Variants in ATXN1 observed in about 807,000 individuals in gnomAD.
The protein encoded by ATXN1 is ataxin 1.
ATXN1 carries 8 observed loss-of-function variants against 56.4 expected under a neutral mutation model. That is an observed-to-expected ratio of 0.14 (90% CI 0.08 to 0.26). The LOEUF is 0.26. Ranked by LOEUF, ATXN1 falls within the 10% of genes least tolerant of loss-of-function variation. The probability of loss-of-function intolerance (pLI) is 1.00; values close to 1 mark genes in which losing one functional copy is unlikely to be tolerated. For synonymous variants in ATXN1, 514 were observed against 494.6 expected (o/e 1.04, Z -0.52); for missense variants, 987 against 1,106.5 (o/e 0.89, Z 1.53).
chr6:16,311,400 G>A (rs755899495), intron 7 of ATXN1, among the ~76,000 whole-genome samples: 12 of 152,138 alleles, frequency 7.9e-5, no homozygotes, highest in Middle Eastern at 3.2e-3. Context: ...CAAAAGAGAT[G>A]AACTAAGCAT....
intron 4 of ATXN1, among the ~76,000 whole-genome samples, chr6:16,558,584 T>A (rs1762058957): frequency 6.6e-6 from 1 of 152,088 alleles, no homozygotes; most frequent in Non-Finnish European, 1.5e-5. Flanking sequence ...TTGTCCAGAC[T>A]GGTCTCTAAC....
intron 4 of ATXN1, among the ~76,000 whole-genome samples, chr6:16,547,304 T>C (rs1304260204): frequency 6.6e-6 from 1 of 152,172 alleles, no homozygotes; most frequent in Non-Finnish European, 1.5e-5. Context: ...AGAAATCCCA[T>C]TCTAAACCAA....
At chr6:16,420,255 T>C (rs891544060) in intron 6 of ATXN1, among the ~76,000 whole-genome samples, 2 of 152,188 alleles carry the variant, frequency 1.3e-5, no homozygotes, top group Non-Finnish European at 2.9e-5. Context: ...GCTAGAGAGA[T>C]GGTGGGATGA....
At chr6:16,759,883 G>T (rs1253800726) in intron 1 of ATXN1, among the ~76,000 whole-genome samples, 1 of 152,138 alleles carries the variant, frequency 6.6e-6, no homozygotes, top group African/African-American at 2.4e-5. Flanking sequence ...CAGCCTGAAG[G>T]CGGGGGGCTG....
intron 6 of ATXN1, among the ~76,000 whole-genome samples, chr6:16,423,898 C>T (rs17592806): frequency 0.19 from 29,597 of 152,212 alleles, 3,118 homozygotes; most frequent in Non-Finnish European, 0.23. Flanking sequence ...TCTATCTGAG[C>T]TGCTTGAAGC....
chr6:16,686,679 G>A (rs960916953), intron 2 of ATXN1, among the ~76,000 whole-genome samples: 2 of 152,092 alleles, frequency 1.3e-5, no homozygotes, highest in Non-Finnish European at 2.9e-5. Context: ...TGAAAAGCAA[G>A]AAACCGTAAG....
intron 3 of ATXN1, among the ~76,000 whole-genome samples, chr6:16,629,917 C>CA (rs56412324): frequency 0.41 from 59,413 of 145,540 alleles, 12,080 homozygotes; most frequent in East Asian, 0.48. Flanking sequence ...AACTCCATCT[C>CA]AAAAAAAAAA....
chr6:16,750,433 A>C (rs1171934603), intron 2 of ATXN1, among the ~76,000 whole-genome samples: 1 of 152,252 alleles, frequency 6.6e-6, no homozygotes, highest in Non-Finnish European at 1.5e-5. Context: ...GGTTTAAGAA[A>C]AAAACTGAAT....
chr6:16,403,894 G>T (rs1393881551), intron 6 of ATXN1, among the ~76,000 whole-genome samples: 2 of 150,164 alleles, frequency 1.3e-5, no homozygotes, highest in African/African-American at 2.5e-5. Context: ...ATGGTTAAAA[G>T]AATTCTTAGG....
chr6:16,630,959 T>G (rs1347372923), intron 3 of ATXN1, among the ~76,000 whole-genome samples: 1 of 152,186 alleles, frequency 6.6e-6, no homozygotes, highest in Non-Finnish European at 1.5e-5. Flanking sequence ...CAGGGATGTC[T>G]CTTTGTTGGC....
At chr6:16,526,676 GA>G (rs1480491875) in intron 4 of ATXN1, among the ~76,000 whole-genome samples, 1 of 150,442 alleles carries the variant, frequency 6.6e-6, no homozygotes, top group Non-Finnish European at 1.5e-5. Flanking sequence ...GAGGCAGGAG[GA>G]TCACTTGAAC....
intron 4 of ATXN1, among the ~76,000 whole-genome samples, chr6:16,580,902 G>C (rs1400160872): frequency 1.3e-5 from 2 of 152,154 alleles, no homozygotes; most frequent in Admixed American, 6.5e-5. Context: ...GGAAGGGTGG[G>C]AGAAAAGGGA....
At chr6:16,647,134 AGC>A (rs1332269616) in intron 3 of ATXN1, among the ~76,000 whole-genome samples, 1 of 152,090 alleles carries the variant, frequency 6.6e-6, no homozygotes, top group Non-Finnish European at 1.5e-5. Context: ...ACGCCCAAGT[AGC>A]TGGGACTACA....
chr6:16,756,279 A>T (rs1286865970), intron 1 of ATXN1, among the ~76,000 whole-genome samples: 9 of 152,132 alleles, frequency 5.9e-5, no homozygotes, highest in African/African-American at 1.9e-4. Flanking sequence ...GCCAACATTT[A>T]AAAAATTCTG....
intron 3 of ATXN1, among the ~76,000 whole-genome samples, chr6:16,616,721 AC>A (rs934198141): frequency 3.4e-5 from 5 of 148,078 alleles, no homozygotes; most frequent in African/African-American, 1.2e-4. Context: ...ATATACATAT[AC>A]CCCTCCACAC....
In ATXN1 at chr6:16,564,289, G is replaced by A. The variant is rs373122164; in HGVS notation, c.-361+21491C>T. 8.1e-4 allele frequency among the ~76,000 whole-genome samples: 120 copies of A among 148,592 alleles called. 1 individual carries two copies. The highest frequency in any genetic ancestry group is 2.2e-3 in the African/African-American group (87 of 38,968). On this transcript the variant is annotated intron_variant, in intron 4 of 7. Coordinates refer to ENST00000436367, the MANE Select transcript of ATXN1 (RefSeq NM_001128164.2). ...AGGTAAGAAGAGAGAGGAGGCCATC[G>A]TGAAGCGAACAAATGTGTAAAATGA...
intron 6 of ATXN1, among the ~76,000 whole-genome samples, chr6:16,463,494 G>T (rs1163309885): frequency 1.3e-5 from 2 of 152,254 alleles, no homozygotes; most frequent in South Asian, 4.1e-4. Flanking sequence ...CACTCTCAAA[G>T]GATTTCTCAA....
At chr6:16,671,472 G>T (rs1758541125) in intron 2 of ATXN1, among the ~76,000 whole-genome samples, 1 of 152,126 alleles carries the variant, frequency 6.6e-6, no homozygotes, top group Non-Finnish European at 1.5e-5. Flanking sequence ...AACTCTAAGT[G>T]TCTATTTCTG....
intron 6 of ATXN1, among the ~76,000 whole-genome samples, chr6:16,350,627 G>A (rs1342495899): frequency 2.0e-5 from 3 of 152,198 alleles, no homozygotes; most frequent in Non-Finnish European, 1.5e-5. Context: ...TATTTACTGT[G>A]TAGGAAAGAA....
Sources: allele counts gnomAD v4.1 joint callset (sites outside exome capture counted in the v4.1 genomes callset), GRCh38; gene constraint gnomAD v4.1.1; transcripts MANE v1.5; gene names NCBI Gene and HGNC (gene_info 2026-07-23, HGNC 2026-07-21).